The following PRIM2 variants were observed in gnomAD, a reference collection of about 807,000 sequenced individuals.
PRIM2 encodes DNA primase large subunit.
PRIM2 carries 39 observed loss-of-function variants against 67.3 expected under a neutral mutation model. The observed-to-expected ratio is 0.58, with a 90% CI of 0.45 to 0.76. The LOEUF (loss-of-function observed/expected upper bound fraction) is 0.76, where lower values mean the gene tolerates loss of function less well. Ranked by LOEUF, PRIM2 falls within the 30% of genes least tolerant of loss-of-function variation. The pLI is 0.00. For synonymous variants in PRIM2, 143 were observed against 198.7 expected (o/e 0.72, Z 2.36); for missense variants, 398 against 598.7 (o/e 0.66, Z 3.50).
intron 5 of PRIM2, among the ~76,000 whole-genome samples, chr6:57,326,906 T>C (rs1581792946): frequency 2.5e-5 from 1 of 39,562 alleles, no homozygotes; most frequent in African/African-American, 8.9e-5. Flanking sequence ...TTTTTTTTTT[T>C]TTTTTTTTTT....
the PRIM2 span, among the ~76,000 whole-genome samples, chr6:57,235,985 G>T: frequency 6.6e-6 from 1 of 152,148 alleles, no homozygotes; most frequent in Non-Finnish European, 1.5e-5. Context: ...CTTCCACTTT[G>T]ATTTTAGCCC....
chr6:57,269,622 C>T, the PRIM2 span, among the ~76,000 whole-genome samples: 2 of 152,020 alleles, frequency 1.3e-5, no homozygotes, highest in Admixed American at 1.3e-4. Context: ...TGTGCAGAAG[C>T]TCTTTAGTTT....
intron 12 of PRIM2, among the ~76,000 whole-genome samples, chr6:57,608,345 C>T (rs1776598018): frequency 6.6e-6 from 1 of 152,026 alleles, no homozygotes; most frequent in African/African-American, 2.4e-5. Flanking sequence ...TTTACTTTGA[C>T]TTGGGTGAGG....
chr6:57,243,627 C>A, the PRIM2 span, among the ~76,000 whole-genome samples: 1 of 152,120 alleles, frequency 6.6e-6, no homozygotes, highest in East Asian at 1.9e-4. Flanking sequence ...CACCACTACG[C>A]CCCGACTCTT....
chr6:57,456,098 A>G, intron 7 of PRIM2, among the ~76,000 whole-genome samples: 1 of 152,156 alleles, frequency 6.6e-6, no homozygotes, highest in East Asian at 1.9e-4. Flanking sequence ...TTCTTTAAGA[A>G]TGTTGAATAT....
chr6:57,244,398 A>T, the PRIM2 span, among the ~76,000 whole-genome samples: 1 of 152,198 alleles, frequency 6.6e-6, no homozygotes, highest in African/African-American at 2.4e-5. Context: ...TTAATTTTAA[A>T]ATTGTCTTCC....
chr6:57,487,243 G>A (rs1443924181), intron 7 of PRIM2, among the ~76,000 whole-genome samples: 157 of 152,182 alleles, frequency 1.0e-3, no homozygotes, highest in African/African-American at 3.6e-3. Flanking sequence ...GTTAAAGATG[G>A]ACAAGAAGAT....
chr6:57,357,400 CT>C (rs1769065330), intron 5 of PRIM2, among the ~76,000 whole-genome samples: 1 of 152,198 alleles, frequency 6.6e-6, no homozygotes, highest in African/African-American at 2.4e-5. Context: ...AGCCTCATCT[CT>C]TACCACTAAT....
rs571994576 is a variant in PRIM2 at position 57,398,575 on chromosome 6, G to A, written c.693+16407G>A. Among the ~76,000 whole-genome samples the A allele has an allele frequency of 1.2e-4, 18 of 152,178 alleles. 1 individual carries two copies. The highest frequency in any genetic ancestry group is 6.2e-4 in the South Asian group (3 of 4,816). Reference sequence around the variant, plus strand: ...ATATTTTATGTCCAATTATGTGGTCGCTTTTAGAGCATTTGCTGTGTGGTG... The same window carrying A: ...ATATTTTATGTCCAATTATGTGGTCACTTTTAGAGCATTTGCTGTGTGGTG... On this transcript the variant is annotated intron_variant, in intron 7 of 13. Coordinates refer to ENST00000615550, the MANE Select transcript of PRIM2 (RefSeq NM_000947.5).
chr6:57,626,624 C>CT lies in PRIM2; in HGVS notation c.1231-5492dup, dbSNP rs1159199798. ...TTTTGTGAAGATGAAAACTGCATTGCTTTTTTTTTTTTTTTTTAAAGACAG... is the reference window on the plus strand; with the variant it reads ...TTTTGTGAAGATGAAAACTGCATTGCTTTTTTTTTTTTTTTTTTAAAGACAG... On this transcript the variant is annotated intron_variant, in intron 12 of 13. Coordinates refer to ENST00000615550, the MANE Select transcript of PRIM2 (RefSeq NM_000947.5). 4.1e-3 allele frequency among the ~76,000 whole-genome samples: 555 copies of CT among 133,986 alleles called. 2 individuals carry two copies. Among genetic ancestry groups the CT allele is most frequent in the Middle Eastern group, 0.012 (3 of 254 alleles). The allele number at this position is 133,986 out of a possible 152,430, so 87.9% of individuals were successfully genotyped here.
chr6:57,306,835 T>A, the PRIM2 span, among the ~76,000 whole-genome samples: 53 of 152,288 alleles, frequency 3.5e-4, no homozygotes, highest in African/African-American at 1.2e-3. Context: ...TATTCCACTT[T>A]CAAAAAAACT....
At chr6:57,533,367 C>T (rs1774932703) in intron 9 of PRIM2, among the ~76,000 whole-genome samples, 1 of 152,222 alleles carries the variant, frequency 6.6e-6, no homozygotes, top group South Asian at 2.1e-4. Flanking sequence ...ATTAAAAATA[C>T]ACAGGGATTT....
chr6:57,582,010 A>T (rs1417142451), intron 10 of PRIM2, among the ~76,000 whole-genome samples: 2 of 152,138 alleles, frequency 1.3e-5, no homozygotes, highest in Non-Finnish European at 2.9e-5. Context: ...AATTTTTTAA[A>T]TTTTTTGTTT....
chr6:57,413,382 C>A (rs1237707167), intron 7 of PRIM2, among the ~76,000 whole-genome samples: 1 of 151,298 alleles, frequency 6.6e-6, no homozygotes. Flanking sequence ...TATTTATAAC[C>A]TATTTGTTTC....
At chr6:57,590,026 G>A (rs1187061012) in intron 10 of PRIM2, among the ~76,000 whole-genome samples, 6 of 152,122 alleles carry the variant, frequency 3.9e-5, no homozygotes, top group Admixed American at 2.0e-4. Flanking sequence ...TCTTCTTGAC[G>A]CAGTGAGCCC....
At chr6:57,239,373 T>C in the PRIM2 span, among the ~76,000 whole-genome samples, 1 of 152,196 alleles carries the variant, frequency 6.6e-6, no homozygotes, top group Non-Finnish European at 1.5e-5. Flanking sequence ...CCTTTGAAAA[T>C]GCTGTTTTCT....
intron 5 of PRIM2, among the ~76,000 whole-genome samples, chr6:57,338,022 G>A (rs1181607777): frequency 1.3e-5 from 2 of 151,724 alleles, no homozygotes; most frequent in Admixed American, 1.3e-4. Flanking sequence ...ATGATAAAGG[G>A]GATATCACCA....
At chr6:57,562,748 C>T (rs1435216739) in intron 10 of PRIM2, among the ~76,000 whole-genome samples, 1 of 152,200 alleles carries the variant, frequency 6.6e-6, no homozygotes, top group Non-Finnish European at 1.5e-5. Flanking sequence ...GTTTTAGTTG[C>T]TCAGGTTAAA....
the PRIM2 span, among the ~76,000 whole-genome samples, chr6:57,236,293 G>C: frequency 6.6e-5 from 10 of 151,970 alleles, no homozygotes; most frequent in Admixed American, 3.3e-4. Flanking sequence ...ACTGGTCCAT[G>C]TTCTCTTCAC....
Sources: gnomAD v4.1 joint callset for allele counts (sites outside exome capture counted in the v4.1 genomes callset) on GRCh38, gnomAD v4.1.1 for gene constraint, MANE v1.5 for transcripts, NCBI Gene and HGNC (gene_info 2026-07-23, HGNC 2026-07-21) for gene names.